Variants in CSRNP3 observed in about 807,000 individuals in gnomAD.
The protein encoded by CSRNP3 is cysteine/serine-rich nuclear protein 3.
CSRNP3 carries 12 observed loss-of-function variants against 48.0 expected under a neutral mutation model. That is an observed-to-expected ratio of 0.25 (90% CI 0.16 to 0.41). The LOEUF (loss-of-function observed/expected upper bound fraction) is 0.41. CSRNP3 is among the 10% of genes least tolerant of loss of function. CSRNP3 has a pLI of 1.00. For synonymous variants in CSRNP3, 263 were observed against 269.7 expected, an observed-to-expected ratio of 0.98 and a Z score of 0.24; for missense variants, 580 against 724.4, an observed-to-expected ratio of 0.80 and a Z score of 2.29.
intron 5 of CSRNP3, among the ~76,000 whole-genome samples, chr2:165,673,389 C>T (rs1687364152): frequency 6.6e-6 from 1 of 151,966 alleles, no homozygotes; most frequent in South Asian, 2.1e-4. Context: ...CTGCCTGCCT[C>T]CGTCTACCAA....
chr2:165,528,856 G>A (rs1684773562), intron 3 of CSRNP3, among the ~76,000 whole-genome samples: 1 of 152,214 alleles, frequency 6.6e-6, no homozygotes, highest in Non-Finnish European at 1.5e-5. Context: ...TCTGGCAGGA[G>A]CTGGGGACAA....
intron 5 of CSRNP3, among the ~76,000 whole-genome samples, chr2:165,666,822 G>GA (rs1687223146): frequency 7.0e-6 from 1 of 143,696 alleles, no homozygotes; most frequent in Non-Finnish European, 1.5e-5. Context: ...GAAAGAGAGA[G>GA]AAAGGAAGGA....
chr2:165,631,140 A>G (rs1686528248), intron 4 of CSRNP3, among the ~76,000 whole-genome samples: 1 of 152,234 alleles, frequency 6.6e-6, no homozygotes, highest in Non-Finnish European at 1.5e-5. Flanking sequence ...TTTCAATGTT[A>G]ACATAAATCA....
intron 4 of CSRNP3, among the ~76,000 whole-genome samples, chr2:165,642,091 TACACACACACAA>T (rs1335878538): frequency 2.3e-5 from 3 of 131,216 alleles, no homozygotes; most frequent in African/African-American, 9.4e-5. Context: ...TACCTGAGAA[TACACACACACAA>T]ACACACACAC....
chr2:165,558,453 G>A (rs186797053), intron 3 of CSRNP3, among the ~76,000 whole-genome samples: 1 of 152,276 alleles, frequency 6.6e-6, no homozygotes, highest in East Asian at 1.9e-4. Flanking sequence ...ATAAGTTAGT[G>A]AGCAATTTTC....
At chr2:165,643,694 G>A (rs1686765662) in intron 4 of CSRNP3, among the ~76,000 whole-genome samples, 1 of 152,090 alleles carries the variant, frequency 6.6e-6, no homozygotes, top group African/African-American at 2.4e-5. Flanking sequence ...GTTCTATCAT[G>A]ATTTCATATT....
intron 1 of CSRNP3, among the ~76,000 whole-genome samples, chr2:165,487,976 C>A (rs1409426154): frequency 7.3e-6 from 1 of 136,374 alleles, no homozygotes; most frequent in Non-Finnish European, 1.6e-5. Flanking sequence ...GGACTAAATT[C>A]TCCAATTAAA....
chr2:165,621,175 T>C (rs1448595044), intron 4 of CSRNP3, among the ~76,000 whole-genome samples: 1 of 152,120 alleles, frequency 6.6e-6, no homozygotes, highest in Non-Finnish European at 1.5e-5. Flanking sequence ...CAGTCGTGGG[T>C]CATTGTAGTC....
At chr2:165,565,792 G>T (rs192733087) in intron 3 of CSRNP3, among the ~76,000 whole-genome samples, 77 of 152,116 alleles carry the variant, frequency 5.1e-4, no homozygotes, top group Non-Finnish European at 8.7e-4. Context: ...AGAAAGCATG[G>T]AGGTGGATTT....
At chr2:165,503,954 A>G (rs1470315734) in intron 2 of CSRNP3, among the ~76,000 whole-genome samples, 1 of 151,988 alleles carries the variant, frequency 6.6e-6, no homozygotes, top group East Asian at 1.9e-4. Context: ...ATGAATGTAA[A>G]GTTGTATCAG....
intron 3 of CSRNP3, among the ~76,000 whole-genome samples, chr2:165,573,380 CAT>C (rs1365702062): frequency 6.6e-6 from 1 of 152,120 alleles, no homozygotes; most frequent in Non-Finnish European, 1.5e-5. Flanking sequence ...TATGTACACA[CAT>C]GACTTTTTCT....
In CSRNP3 at chr2:165,687,117, G is replaced by A. The variant is rs988212579; in HGVS notation, c.*7364G>A. 4 of 152,070 alleles carry A rather than the reference G, an allele frequency of 2.6e-5. No individual in the cohort carries two copies. The highest frequency in any genetic ancestry group is 5.9e-5 in the Non-Finnish European group (4 of 67,986). The allele number at this position is 152,070 out of a possible 1,614,324, so 9.4% of individuals were successfully genotyped here. On this transcript the variant is annotated 3_prime_UTR_variant, in exon 7 of 7. Transcript: ENST00000651982. ...GGGTTAGGCACCTGGCAACAGTTGT[G>A]GTGATTTGGGCCATTGTACTAGGGG...
Position 165,614,689 on chromosome 2 carries a change from G to A in CSRNP3, c.148+19476G>A, listed in dbSNP as rs139284633. Among the ~76,000 whole-genome samples the A allele has an allele frequency of 4.9e-3, 738 of 152,148 alleles. 3 individuals are homozygous for A. The highest frequency in any genetic ancestry group is 0.01 in the Middle Eastern group (3 of 292). ...TTTCTACATCTATTAAGATAATAAC[G>A]TGGTTTTGGCCTTTATTTTGTTGAT... On this transcript the variant is annotated intron_variant, in intron 4 of 6. Transcript: ENST00000651982.
chr2:165,487,510 G>C (rs1210489676), intron 1 of CSRNP3, among the ~76,000 whole-genome samples: 8 of 146,710 alleles, frequency 5.5e-5, no homozygotes, highest in Non-Finnish European at 1.0e-4. Context: ...CACCAAAGTT[G>C]AAATGAAGGA....
At chr2:165,658,698 C>CTTAT (rs1305763561) in intron 5 of CSRNP3, among the ~76,000 whole-genome samples, 1 of 152,086 alleles carries the variant, frequency 6.6e-6, no homozygotes, top group African/African-American at 2.4e-5. Context: ...GCAAAAGGCA[C>CTTAT]TTATTACATG....
At chr2:165,596,421 A>G (rs1277817361) in intron 4 of CSRNP3, among the ~76,000 whole-genome samples, 3 of 152,110 alleles carry the variant, frequency 2.0e-5, no homozygotes, top group Middle Eastern at 3.2e-3. Context: ...TACTTTGGCA[A>G]TGTAGCAACT....
At chr2:165,622,092 T>TA (rs796753497) in intron 4 of CSRNP3, among the ~76,000 whole-genome samples, 22 of 152,058 alleles carry the variant, frequency 1.4e-4, no homozygotes, top group African/African-American at 4.1e-4. Flanking sequence ...TATTTCACAT[T>TA]AAAAAAAATA....
intron 3 of CSRNP3, among the ~76,000 whole-genome samples, chr2:165,580,789 G>C (rs527475590): frequency 8.6e-4 from 130 of 151,274 alleles, no homozygotes; most frequent in African/African-American, 3.0e-3. Context: ...TAAGTGCTAA[G>C]AAGAAACAAA....
chr2:165,562,613 T>G (rs1320247584), intron 3 of CSRNP3, among the ~76,000 whole-genome samples: 1 of 152,192 alleles, frequency 6.6e-6, no homozygotes, highest in Admixed American at 6.5e-5. Context: ...ATTCTAAAGA[T>G]AGCTGTCTCA....
Sources: allele counts gnomAD v4.1 joint callset (sites outside exome capture counted in the v4.1 genomes callset), GRCh38; gene constraint gnomAD v4.1.1; transcripts MANE v1.5; gene names NCBI Gene and HGNC (gene_info 2026-07-23, HGNC 2026-07-21).